The following TRPC6 variants were observed in gnomAD, a reference collection of about 807,000 sequenced individuals.
The protein encoded by TRPC6 is short transient receptor potential channel 6.
Under a neutral mutation model 90.7 loss-of-function variants are expected in TRPC6, and 55 were observed. That is an observed-to-expected ratio of 0.61 (90% CI 0.49 to 0.76). The LOEUF is 0.76. Ranked by LOEUF, TRPC6 falls within the 30% of genes least tolerant of loss-of-function variation. The pLI is 0.00. For missense variants in TRPC6, 989 were observed against 1,122.7 expected, an observed-to-expected ratio of 0.88 and a Z score of 1.70; for synonymous variants, 393 against 393.0, an observed-to-expected ratio of 1.00 and a Z score of 0.00.
chr11:101,582,122 A>G (rs1345165502), intron 1 of TRPC6, among the ~76,000 whole-genome samples: 1 of 152,242 alleles, frequency 6.6e-6, no homozygotes, highest in Non-Finnish European at 1.5e-5. Context: ...AGAAAAACAT[A>G]TACATAATTG....
At chr11:101,579,461 T>C (rs1231210749) in intron 1 of TRPC6, among the ~76,000 whole-genome samples, 1 of 152,216 alleles carries the variant, frequency 6.6e-6, no homozygotes, top group Non-Finnish European at 1.5e-5. Context: ...ACTCTCACTC[T>C]TGGTCGATTG....
chr11:101,463,761 G>A (rs977969485), intron 10 of TRPC6, among the ~76,000 whole-genome samples: 3 of 152,100 alleles, frequency 2.0e-5, no homozygotes, highest in African/African-American at 7.2e-5. Flanking sequence ...ACCAGCTCCT[G>A]CATTCACTGA....
intron 2 of TRPC6, among the ~76,000 whole-genome samples, chr11:101,493,464 C>T (rs1859874995): frequency 6.6e-6 from 1 of 152,102 alleles, no homozygotes; most frequent in Non-Finnish European, 1.5e-5. Flanking sequence ...ATTATGTGTC[C>T]AAAATCATGC....
rs878853210 is a variant in TRPC6 at position 101,504,867 on chromosome 11, A to G, written c.171-69T>C. On this transcript the variant is annotated intron_variant, in intron 1 of 12. Transcript: ENST00000344327. ...ATTTTAGTGTGCCAAATGACTTGCC[A>G]TTCATCTAATACAATCCTCAAGTAT... is the stretch of plus-strand genomic sequence containing the variant. The G allele has an allele frequency of 6.4e-7, 1 of 1,565,094 alleles. No individual in the cohort carries two copies. The highest frequency in any genetic ancestry group is 8.7e-7 in the Non-Finnish European group (1 of 1,149,586).
intron 1 of TRPC6, among the ~76,000 whole-genome samples, chr11:101,581,705 G>T (rs1862199725): frequency 6.6e-6 from 1 of 152,088 alleles, no homozygotes; most frequent in African/African-American, 2.4e-5. Context: ...GAATATCCAA[G>T]ATTTATTTAT....
At chr11:101,494,614 G>C (rs1046849995) in intron 2 of TRPC6, among the ~76,000 whole-genome samples, 6 of 152,126 alleles carry the variant, frequency 3.9e-5, no homozygotes, top group Admixed American at 1.3e-4. Flanking sequence ...CAAAAGCAGT[G>C]CTCTCTAGAA....
chr11:101,475,098 T>C (rs900785410), intron 6 of TRPC6, among the ~76,000 whole-genome samples: 5 of 152,184 alleles, frequency 3.3e-5, no homozygotes, highest in Admixed American at 6.6e-5. Context: ...AATAGAACTA[T>C]GTCATCCACC....
At chr11:101,578,633 G>A (rs1862122745) in intron 1 of TRPC6, among the ~76,000 whole-genome samples, 1 of 152,024 alleles carries the variant, frequency 6.6e-6, no homozygotes, top group South Asian at 2.1e-4. Flanking sequence ...TCATGTGAGA[G>A]GATATAATTA....
rs71303295 is a variant in TRPC6, at chr11:101,548,280, A to ATATATATATATATATATATAATT, written c.170+35053_170+35054insAATTATATATATATATATATATA. On this transcript the variant is annotated intron_variant, in intron 1 of 12. Coordinates refer to ENST00000344327, the MANE Select transcript of TRPC6 (RefSeq NM_004621.6). ...ATATATACATATATATATAATTTAT[A>ATATATATATATATATATATAATT]TATATAATTATATATAATTGAAATA... is the stretch of plus-strand genomic sequence containing the variant. Among the ~76,000 whole-genome samples the ATATATATATATATATATATAATT allele has an allele frequency of 3.1e-4, 42 of 135,486 alleles. 1 individual carries two copies. The highest frequency in any genetic ancestry group is 5.7e-4 in the Non-Finnish European group (35 of 61,852). The allele number at this position is 135,486 out of a possible 152,430, so 88.9% of individuals were successfully genotyped here.
chr11:101,542,609 T>TAAA, intron 1 of TRPC6, among the ~76,000 whole-genome samples: 1 of 144,912 alleles, frequency 6.9e-6, no homozygotes, highest in African/African-American at 2.5e-5. Flanking sequence ...GCTACAGCAT[T>TAAA]AAAAAAAAAA....
chr11:101,516,334 G>A (rs1860522132), intron 1 of TRPC6, among the ~76,000 whole-genome samples: 1 of 152,062 alleles, frequency 6.6e-6, no homozygotes, highest in South Asian at 2.1e-4. Flanking sequence ...CACACATGCT[G>A]AAAAGAACTA....
chr11:101,536,596 C>T (rs1861053911), intron 1 of TRPC6, among the ~76,000 whole-genome samples: 1 of 152,044 alleles, frequency 6.6e-6, no homozygotes, highest in African/African-American at 2.4e-5. Flanking sequence ...GAGAAGAAAG[C>T]ATTCCAGAAA....
intron 2 of TRPC6, among the ~76,000 whole-genome samples, chr11:101,500,567 T>C (rs1261374247): frequency 6.6e-6 from 1 of 152,136 alleles, no homozygotes; most frequent in Non-Finnish European, 1.5e-5. Context: ...AATATACTAA[T>C]AATAGATATA....
chr11:101,456,618 C>T (rs894741978), intron 10 of TRPC6, among the ~76,000 whole-genome samples: 2 of 152,258 alleles, frequency 1.3e-5, no homozygotes, highest in African/African-American at 4.8e-5. Flanking sequence ...AGCAGCACCC[C>T]TGGCCTCTAA....
intron 1 of TRPC6, among the ~76,000 whole-genome samples, chr11:101,574,771 A>T (rs1353904441): frequency 6.6e-6 from 1 of 152,190 alleles, no homozygotes; most frequent in African/African-American, 2.4e-5. Context: ...TTTTATCTGT[A>T]ACAGTTTAGC....
At position 101,576,161 on chromosome 11, in the gene TRPC6, C is replaced by T. The variant is rs148787099; in HGVS notation, c.170+7173G>A. Among the ~76,000 whole-genome samples, 566 of 152,208 alleles carry T rather than the reference C, an allele frequency of 3.7e-3. 1 individual carries two copies. The highest frequency in any genetic ancestry group is 0.013 in the African/African-American group (529 of 41,534). On this transcript the variant is annotated intron_variant, in intron 1 of 12. Transcript: ENST00000344327. ...AATTTCAGCATTGTTCTTTATAAAA[C>T]GGATGCTAAAAATAGCTGAGTAGAT...
intron 3 of TRPC6, among the ~76,000 whole-genome samples, chr11:101,490,423 A>AAAATCTACCTTT (rs1859778114): frequency 6.6e-6 from 1 of 152,178 alleles, no homozygotes; most frequent in Non-Finnish European, 1.5e-5. Context: ...TTTTATTGGA[A>AAAATCTACCTTT]AAATCTACCT....
At chr11:101,527,372 T>G (rs1860803641) in intron 1 of TRPC6, among the ~76,000 whole-genome samples, 1 of 152,244 alleles carries the variant, frequency 6.6e-6, no homozygotes, top group Admixed American at 6.5e-5. Context: ...CACTTAATAA[T>G]TTAATGAAGC....
rs546214293 is a variant in TRPC6, at chr11:101,563,462, T to C, written c.170+19872A>G. Among the ~76,000 whole-genome samples, 90 of 152,290 alleles carry C rather than the reference T, an allele frequency of 5.9e-4. 4 individuals are homozygous for C. The South Asian group carries it at 0.018, about 30-fold the overall frequency. The stretch of plus-strand genomic sequence containing the variant: ...ATAGAAAACTGAAGCTTAAGGAGTC[T>C]TGAAGAGTGAATAGGTTTTAGGTAG... On this transcript the variant is annotated intron_variant, in intron 1 of 12. Transcript: ENST00000344327.
Sources: allele counts gnomAD v4.1 joint callset (sites outside exome capture counted in the v4.1 genomes callset), GRCh38; gene constraint gnomAD v4.1.1; transcripts MANE v1.5; gene names NCBI Gene and HGNC (gene_info 2026-07-23, HGNC 2026-07-21).